GNAI1: variants seen among roughly 807,000 people sequenced by gnomAD.
GNAI1 encodes guanine nucleotide-binding protein G(i) subunit alpha-1.
GNAI1 carries 11 observed loss-of-function variants against 38.9 expected under a neutral mutation model. The observed-to-expected ratio is 0.28, with a 90% CI of 0.18 to 0.47. The LOEUF (loss-of-function observed/expected upper bound fraction) is 0.47. Among genes scored for constraint, GNAI1 ranks in the 20% least tolerant of loss-of-function variants. The probability of loss-of-function intolerance (pLI) is 0.99; values close to 1 mark genes in which losing one functional copy is unlikely to be tolerated. For missense variants in GNAI1, 317 were observed against 436.9 expected (o/e 0.73, Z 2.45); for synonymous variants, 166 against 145.1 (o/e 1.14, Z -1.04).
intron 1 of GNAI1, among the ~76,000 whole-genome samples, chr7:80,143,708 T>C (rs1787566440): frequency 6.6e-6 from 1 of 152,152 alleles, no homozygotes; most frequent in Non-Finnish European, 1.5e-5. Context: ...TAAATATATC[T>C]ACTTCATAGG....
intron 1 of GNAI1, among the ~76,000 whole-genome samples, chr7:80,173,992 A>G (rs1438494998): frequency 6.6e-6 from 1 of 152,142 alleles, no homozygotes; most frequent in Non-Finnish European, 1.5e-5. Context: ...AAGGGGCCCA[A>G]CTTGGGAGAA....
intron 3 of GNAI1, among the ~76,000 whole-genome samples, chr7:80,193,015 TTTTTTGTTTTTA>T (rs1232984819): frequency 6.6e-6 from 1 of 152,042 alleles, no homozygotes. Context: ...TATTGTTTTT[TTTTTTGTTTTTA>T]ATAATTATTA....
At chr7:80,151,770 G>A (rs1787731853) in intron 1 of GNAI1, among the ~76,000 whole-genome samples, 1 of 152,190 alleles carries the variant, frequency 6.6e-6, no homozygotes, top group Non-Finnish European at 1.5e-5. Flanking sequence ...GCTACAGACT[G>A]TGTCAAAGGT....
At chr7:80,147,984 C>A (rs2116090623) in intron 1 of GNAI1, among the ~76,000 whole-genome samples, 1 of 152,238 alleles carries the variant, frequency 6.6e-6, no homozygotes, top group East Asian at 1.9e-4. Context: ...ATTATTGGAA[C>A]ATTTCACCAT....
At chr7:80,211,356 A>G (rs1233025930) in intron 6 of GNAI1, among the ~76,000 whole-genome samples, 1 of 152,108 alleles carries the variant, frequency 6.6e-6, no homozygotes, top group Non-Finnish European at 1.5e-5. Flanking sequence ...ACATGGAAAT[A>G]TAGTTACATA....
At chr7:80,135,615 A>G (rs1195342752) in intron 1 of GNAI1, 3 of 233,048 alleles carry the variant, frequency 1.3e-5, no homozygotes, top group Non-Finnish European at 2.4e-5. Flanking sequence ...CCTTGTAAAG[A>G]TGAAGGGGCA....
At chr7:80,176,936 CAAAAAAA>C (rs374205117) in intron 1 of GNAI1, among the ~76,000 whole-genome samples, 118 of 71,260 alleles carry the variant, frequency 1.7e-3, no homozygotes, top group Non-Finnish European at 2.6e-3. Context: ...GACTCTGTCT[CAAAAAAA>C]AAAAAAAAAA....
rs1050705102 is a variant in GNAI1, at chr7:80,225,431, TG to T, written c.*7942del. 1.1e-4 allele frequency among the ~76,000 whole-genome samples: 17 copies of T among 151,940 alleles called. No individual in the cohort carries two copies. The highest frequency in any genetic ancestry group is 7.7e-4 in the East Asian group (4 of 5,172). On this transcript the variant is annotated 3_prime_UTR_variant, in exon 8 of 8. Transcript: ENST00000649796. ...GTCTGCAGCCAAATCAAAAGATTAG[TG>T]GGGTTTTTTTTAATGTTGTTATTGT... is the stretch of plus-strand genomic sequence containing the variant.
intron 1 of GNAI1, among the ~76,000 whole-genome samples, chr7:80,172,430 A>G (rs1472081050): frequency 6.6e-6 from 1 of 152,218 alleles, no homozygotes. Flanking sequence ...TGTCAAACCA[A>G]CCTGTCTTAA....
chr7:80,150,140 G>A (rs1224307503), intron 1 of GNAI1, among the ~76,000 whole-genome samples: 1 of 152,082 alleles, frequency 6.6e-6, no homozygotes, highest in Admixed American at 6.5e-5. Flanking sequence ...TCAATACTTA[G>A]TAAAGGTTAC....
At chr7:80,192,472 CCA>C (rs1788498548) in intron 3 of GNAI1, among the ~76,000 whole-genome samples, 1 of 152,128 alleles carries the variant, frequency 6.6e-6, no homozygotes, top group Admixed American at 6.5e-5. Flanking sequence ...TTTCTGGACT[CCA>C]GTTTTTCTTT....
chr7:80,187,709 C>T lies in GNAI1; in HGVS notation c.119-1242C>T, dbSNP rs1391423572. Among the ~76,000 whole-genome samples, 4 of 152,126 alleles carry T rather than the reference C, an allele frequency of 2.6e-5. No individual in the cohort carries two copies. In the South Asian group the frequency reaches 6.2e-4, roughly 24 times the overall value. On this transcript the variant is annotated intron_variant, in intron 1 of 7. Transcript: ENST00000649796. ...TCCTGGGCCCGGTGTCTCAAACAGT[C>T]ATAAATTCCTCCAGGATATTGTAGT...
intron 1 of GNAI1, among the ~76,000 whole-genome samples, chr7:80,174,708 G>A (rs1056449264): frequency 6.6e-5 from 10 of 151,836 alleles, no homozygotes; most frequent in Admixed American, 2.0e-4. Flanking sequence ...ATTTGTCAGC[G>A]TAAAAGCCAG....
intron 5 of GNAI1, among the ~76,000 whole-genome samples, chr7:80,204,668 C>T (rs1181850545): frequency 6.6e-6 from 1 of 152,214 alleles, no homozygotes; most frequent in South Asian, 2.1e-4. Context: ...TAGTCATTAC[C>T]ATGACTTTCT....
At chr7:80,177,190 CCT>C (rs1788200288) in intron 1 of GNAI1, among the ~76,000 whole-genome samples, 1 of 151,498 alleles carries the variant, frequency 6.6e-6, no homozygotes, top group Non-Finnish European at 1.5e-5. Context: ...ACCACCATGC[CCT>C]GTTAACTTTT....
intron 1 of GNAI1, among the ~76,000 whole-genome samples, chr7:80,186,675 A>G (rs911891579): frequency 1.6e-4 from 24 of 152,282 alleles, no homozygotes; most frequent in African/African-American, 5.1e-4. Context: ...CATAGTGGCT[A>G]TTCATCAAAG....
chr7:80,184,762 C>G (rs768153126), intron 1 of GNAI1, among the ~76,000 whole-genome samples: 7 of 152,312 alleles, frequency 4.6e-5, no homozygotes, highest in Admixed American at 1.3e-4. Context: ...GTGGAACCCT[C>G]TCCTGCCCTG....
At chr7:80,198,476 C>A (rs530418803) in intron 3 of GNAI1, among the ~76,000 whole-genome samples, 2 of 152,088 alleles carry the variant, frequency 1.3e-5, no homozygotes, top group East Asian at 3.9e-4. Flanking sequence ...ATATGAGTAG[C>A]CTCAAATTTT....
chr7:80,135,329 C>A, intron 1 of GNAI1, 51 bp downstream of exon 1: 2 of 1,086,226 alleles, frequency 1.8e-6, no homozygotes, highest in South Asian at 2.2e-5. Flanking sequence ...CCGGGTGCGG[C>A]GCTGCGCGGC....
Sources: allele counts gnomAD v4.1 joint callset (sites outside exome capture counted in the v4.1 genomes callset), GRCh38; gene constraint gnomAD v4.1.1; transcripts MANE v1.5; gene names NCBI Gene and HGNC (gene_info 2026-07-23, HGNC 2026-07-21).